The following CCDC192 variants were observed in gnomAD, a reference collection of about 807,000 sequenced individuals.
CCDC192 encodes coiled-coil domain-containing protein 192.
chr5:127,740,142 G>A (rs1170143743), intron 2 of CCDC192: 2 of 152,218 alleles, frequency 1.3e-5, no homozygotes, highest in Non-Finnish European at 2.9e-5. Flanking sequence ...CTTGCCAAAT[G>A]GCCAGTGCAG....
intron 6 of CCDC192, among the ~76,000 whole-genome samples, chr5:127,885,828 A>T (rs184743039): frequency 6.6e-6 from 1 of 152,118 alleles, no homozygotes; most frequent in Non-Finnish European, 1.5e-5. Context: ...ATGGTAATCT[A>T]TGTGTATATG....
At chr5:127,782,298 C>T (rs2126935323) in intron 3 of CCDC192, among the ~76,000 whole-genome samples, 1 of 152,106 alleles carries the variant, frequency 6.6e-6, no homozygotes, top group East Asian at 1.9e-4. Flanking sequence ...ATGTCCTTTC[C>T]TGGTTTTGGT....
intron 3 of CCDC192, among the ~76,000 whole-genome samples, chr5:127,792,826 AAGGAGG>A (rs968571117): frequency 3.2e-5 from 3 of 93,994 alleles, no homozygotes; most frequent in African/African-American, 1.1e-4. Context: ...GAAGAAGAAG[AAGGAGG>A]AGGAGGAGGA....
At chr5:127,732,617 G>T (rs1019819798) in intron 2 of CCDC192, among the ~76,000 whole-genome samples, 6 of 152,128 alleles carry the variant, frequency 3.9e-5, no homozygotes, top group Admixed American at 3.9e-4. Flanking sequence ...TGATAGACTG[G>T]ATAAAGAAAA....
At chr5:127,724,575 G>A (rs1203207032) in intron 2 of CCDC192, among the ~76,000 whole-genome samples, 1 of 152,198 alleles carries the variant, frequency 6.6e-6, no homozygotes, top group Non-Finnish European at 1.5e-5. Flanking sequence ...TCTAGGCCGG[G>A]CACAGTGGCT....
intron 6 of CCDC192, among the ~76,000 whole-genome samples, chr5:127,884,747 C>T (rs1318864976): frequency 1.3e-5 from 2 of 152,210 alleles, no homozygotes; most frequent in Non-Finnish European, 2.9e-5. Context: ...ACTGTGCCTT[C>T]TAACCTGTTT....
At chr5:127,938,593 TA>T (rs1470147177) in intron 6 of CCDC192, among the ~76,000 whole-genome samples, 1 of 152,166 alleles carries the variant, frequency 6.6e-6, no homozygotes, top group African/African-American at 2.4e-5. Context: ...TTTAAAAACA[TA>T]AAAATAAGTC....
At chr5:127,808,667 C>A (rs111716547) in intron 5 of CCDC192, among the ~76,000 whole-genome samples, 9 of 152,300 alleles carry the variant, frequency 5.9e-5, no homozygotes, top group African/African-American at 2.2e-4. Flanking sequence ...TTACTTTCAA[C>A]AACTGGCACT....
intron 3 of CCDC192, among the ~76,000 whole-genome samples, chr5:127,767,324 G>T (rs568700324): frequency 1.5e-4 from 23 of 152,308 alleles, no homozygotes; most frequent in South Asian, 6.2e-4. Context: ...TCCCAGATGG[G>T]TAAACTACCG....
At chr5:127,750,295 G>C (rs962299295) in intron 2 of CCDC192, among the ~76,000 whole-genome samples, 24 of 152,298 alleles carry the variant, frequency 1.6e-4, no homozygotes, top group African/African-American at 5.3e-4. Context: ...ATGCATCCCA[G>C]AGATTCTGGT....
chr5:127,792,826 A>AAGGAGG (rs968571117), intron 3 of CCDC192, among the ~76,000 whole-genome samples: 1 of 93,994 alleles, frequency 1.1e-5, no homozygotes, highest in Non-Finnish European at 2.1e-5. Flanking sequence ...GAAGAAGAAG[A>AAGGAGG]AGGAGGAGGA....
intron 2 of CCDC192, among the ~76,000 whole-genome samples, chr5:127,752,922 C>T (rs1302298531): frequency 6.6e-6 from 1 of 152,192 alleles, no homozygotes; most frequent in Admixed American, 6.5e-5. Flanking sequence ...AAGGGAACTC[C>T]CTGACCCCTT....
At chr5:127,842,867 T>TAG (rs1750349263) in intron 5 of CCDC192, among the ~76,000 whole-genome samples, 1 of 152,012 alleles carries the variant, frequency 6.6e-6, no homozygotes, top group South Asian at 2.1e-4. Flanking sequence ...AAAATGGAAA[T>TAG]AGAGACTGTC....
intron 2 of CCDC192, among the ~76,000 whole-genome samples, chr5:127,750,492 T>A (rs1257006605): frequency 6.6e-6 from 1 of 151,892 alleles, no homozygotes; most frequent in East Asian, 1.9e-4. Flanking sequence ...TTTGTTATAA[T>A]TTCTGTTCTT....
chr5:127,717,928 C>CAAAAAAAAAAAAAAAAAAAAACAAAA, intron 2 of CCDC192, among the ~76,000 whole-genome samples: 9 of 98,068 alleles, frequency 9.2e-5, no homozygotes, highest in African/African-American at 1.6e-4. Flanking sequence ...TAAAGCTAGA[C>CAAAAAAAAAAAAAAAAAAAAACAAAA]AAAAAAAAAA....
At chr5:127,802,334 T>C (rs1361931468) in intron 5 of CCDC192, among the ~76,000 whole-genome samples, 1 of 152,186 alleles carries the variant, frequency 6.6e-6, no homozygotes, top group Non-Finnish European at 1.5e-5. Flanking sequence ...GAGTGAGACA[T>C]TGCTTGTCCA....
At chr5:127,727,571 A>G (rs576856205) in intron 2 of CCDC192, among the ~76,000 whole-genome samples, 1 of 152,302 alleles carries the variant, frequency 6.6e-6, no homozygotes, top group Non-Finnish European at 1.5e-5. Context: ...AAAAGTCAGC[A>G]GCCTCAAAGA....
chr5:127,823,589 A>C (rs1749396572), intron 5 of CCDC192, among the ~76,000 whole-genome samples: 1 of 152,060 alleles, frequency 6.6e-6, no homozygotes, highest in Non-Finnish European at 1.5e-5. Flanking sequence ...CCAGCCAATA[A>C]ATTTCTATTT....
intron 5 of CCDC192, among the ~76,000 whole-genome samples, chr5:127,809,747 T>G (rs998232981): frequency 6.6e-6 from 1 of 152,128 alleles, no homozygotes; most frequent in Non-Finnish European, 1.5e-5. Flanking sequence ...GAAGGCCAAG[T>G]AAGTAATGTA....
Sources: allele counts gnomAD v4.1 joint callset (sites outside exome capture counted in the v4.1 genomes callset), GRCh38; gene constraint gnomAD v4.1.1; transcripts MANE v1.5; gene names NCBI Gene and HGNC (gene_info 2026-07-23, HGNC 2026-07-21).